Variants in DLG2 observed in about 807,000 individuals in gnomAD.
DLG2 encodes the protein disks large homolog 2.
A neutral mutation model predicts 132.5 loss-of-function variants in DLG2; 45 were observed. The observed-to-expected ratio is 0.34, with a 90% CI of 0.27 to 0.44. The LOEUF is 0.44. Among genes scored for constraint, DLG2 ranks in the 20% least tolerant of loss-of-function variants. The pLI, the probability that DLG2 is intolerant of heterozygous loss-of-function variation, is 1.00. For synonymous variants in DLG2, 424 were observed against 419.6 expected, an observed-to-expected ratio of 1.01 and a Z score of -0.13; for missense variants, 1,045 against 1,196.9, an observed-to-expected ratio of 0.87 and a Z score of 1.87.
At chr11:83,612,665 G>T (rs188877638) in intron 19 of DLG2, among the ~76,000 whole-genome samples, 21 of 152,148 alleles carry the variant, frequency 1.4e-4, no homozygotes, top group Non-Finnish European at 1.8e-4. Flanking sequence ...TATGAGAGTA[G>T]GTGCAGAGGT....
chr11:83,930,510 T>C (rs761775798), intron 14 of DLG2, 27 bp from the exon 15 acceptor site: 2 of 1,610,706 alleles, frequency 1.2e-6, no homozygotes, highest in Admixed American at 1.7e-5. Context: ...AAGAGAAAGA[T>C]ATGCATGGTT....
At chr11:85,444,160 C>T (rs1167746161) in intron 3 of DLG2, among the ~76,000 whole-genome samples, 4 of 152,070 alleles carry the variant, frequency 2.6e-5, no homozygotes, top group African/African-American at 9.7e-5. Context: ...AAAATTTTAA[C>T]TCCAACTTAA....
At chr11:83,535,860 T>A (rs2095865721) in intron 20 of DLG2, among the ~76,000 whole-genome samples, 1 of 152,246 alleles carries the variant, frequency 6.6e-6, no homozygotes, top group African/African-American at 2.4e-5. Flanking sequence ...ACCTAAGGAT[T>A]TAGGTATTAT....
At chr11:83,674,005 A>G (rs757752221) in intron 18 of DLG2, among the ~76,000 whole-genome samples, 2 of 152,236 alleles carry the variant, frequency 1.3e-5, no homozygotes, top group Non-Finnish European at 2.9e-5. Context: ...TGCCTTAAAC[A>G]TCTTAATACT....
intron 7 of DLG2, among the ~76,000 whole-genome samples, chr11:84,531,136 G>T (rs1259098189): frequency 3.3e-5 from 5 of 152,108 alleles, no homozygotes; most frequent in African/African-American, 9.7e-5. Flanking sequence ...AGAAAAAAAA[G>T]AAAGTAAAGG....
intron 10 of DLG2, among the ~76,000 whole-genome samples, chr11:84,071,611 A>G (rs945367034): frequency 6.6e-6 from 1 of 152,126 alleles, no homozygotes; most frequent in Non-Finnish European, 1.5e-5. Context: ...TGGGGAAAAA[A>G]GTTGTAACTA....
At chr11:84,511,846 C>T (rs994485221) in intron 7 of DLG2, among the ~76,000 whole-genome samples, 3 of 152,094 alleles carry the variant, frequency 2.0e-5, no homozygotes, top group Non-Finnish European at 2.9e-5. Context: ...TTCAATACAA[C>T]TAAAAGGGCC....
chr11:84,434,742 T>C (rs950829138), intron 7 of DLG2, among the ~76,000 whole-genome samples: 1 of 152,022 alleles, frequency 6.6e-6, no homozygotes, highest in Non-Finnish European at 1.5e-5. Flanking sequence ...CAACTAGTAA[T>C]AAGTCACACT....
chr11:85,461,217 T>G (rs1035860502), intron 3 of DLG2, among the ~76,000 whole-genome samples: 1 of 152,220 alleles, frequency 6.6e-6, no homozygotes, highest in African/African-American at 2.4e-5. Flanking sequence ...TGTAAAACAC[T>G]CTTCTCATCA....
intron 7 of DLG2, among the ~76,000 whole-genome samples, chr11:84,411,398 A>G (rs1038700898): frequency 2.1e-4 from 32 of 152,232 alleles, no homozygotes; most frequent in African/African-American, 7.5e-4. Flanking sequence ...TCTGGTTACT[A>G]GAGCTAAAAA....
At chr11:84,197,709 T>C (rs2096540472) in intron 8 of DLG2, among the ~76,000 whole-genome samples, 1 of 152,196 alleles carries the variant, frequency 6.6e-6, no homozygotes, top group Admixed American at 6.5e-5. Flanking sequence ...CGTGGCACAT[T>C]ACTGACTAAA....
intron 2 of DLG2, among the ~76,000 whole-genome samples, chr11:85,614,747 T>C (rs7952219): frequency 0.064 from 9,674 of 152,302 alleles, 999 homozygotes; most frequent in African/African-American, 0.22. Context: ...CATTCTGCAC[T>C]GATCACCTTA....
At chr11:83,808,131 C>A (rs2046389765) in intron 17 of DLG2, among the ~76,000 whole-genome samples, 1 of 152,090 alleles carries the variant, frequency 6.6e-6, no homozygotes, top group South Asian at 2.1e-4. Flanking sequence ...GTAAACAGCC[C>A]CCTCCAGGCA....
intron 6 of DLG2, among the ~76,000 whole-genome samples, chr11:84,737,466 A>G (rs989733295): frequency 1.3e-5 from 2 of 151,610 alleles, no homozygotes; most frequent in Non-Finnish European, 3.0e-5. Context: ...TACCAAAACC[A>G]AACTATCTAG....
chr11:83,493,791 C>G (rs111265087), intron 21 of DLG2, among the ~76,000 whole-genome samples: 2 of 152,210 alleles, frequency 1.3e-5, no homozygotes, highest in African/African-American at 4.8e-5. Context: ...AATGCAGAAA[C>G]TGGCTTATTT....
At chr11:83,513,093 T>A (rs939423591) in intron 21 of DLG2, among the ~76,000 whole-genome samples, 2 of 152,262 alleles carry the variant, frequency 1.3e-5, no homozygotes, top group Non-Finnish European at 2.9e-5. Context: ...TCTAGATCCC[T>A]GAGGAATAGC....
At chr11:83,676,965 C>T (rs191078109) in intron 18 of DLG2, among the ~76,000 whole-genome samples, 5 of 152,202 alleles carry the variant, frequency 3.3e-5, no homozygotes, top group East Asian at 1.9e-4. Flanking sequence ...AACTAGAAAA[C>T]GACCGAACAA....
intron 21 of DLG2, among the ~76,000 whole-genome samples, chr11:83,501,644 C>A (rs1351156255): frequency 1.3e-5 from 2 of 151,928 alleles, no homozygotes; most frequent in East Asian, 3.9e-4. Context: ...TCCTTTTTTC[C>A]CTTTTCTATT....
At chr11:84,117,237 G>C in intron 9 of DLG2, among the ~76,000 whole-genome samples, 1 of 152,310 alleles carries the variant, frequency 6.6e-6, no homozygotes, top group East Asian at 1.9e-4. Context: ...TATGTTCGGA[G>C]TATATGTGTA....
Sources: allele counts gnomAD v4.1 joint callset (sites outside exome capture counted in the v4.1 genomes callset), GRCh38; gene constraint gnomAD v4.1.1; transcripts MANE v1.5; gene names NCBI Gene and HGNC (gene_info 2026-07-23, HGNC 2026-07-21).